ANK2: variants seen among roughly 807,000 people sequenced by gnomAD.
ANK2 encodes ankyrin-2.
ANK2 carries 83 observed loss-of-function variants against 360.5 expected under a neutral mutation model. The ratio of observed to expected loss-of-function variants is 0.23; its 90% CI spans 0.19 to 0.28. The LOEUF is 0.28. ANK2 is among the 10% of genes least tolerant of loss of function. The pLI is 1.00. For synonymous variants in ANK2, 1,740 were observed against 1,759.5 expected (o/e 0.99, Z 0.28); for missense variants, 4,201 against 4,795.7 (o/e 0.88, Z 3.66).
intron 2 of ANK2, among the ~76,000 whole-genome samples, chr4:112,965,770 A>G (rs1315859316): frequency 6.6e-6 from 1 of 152,166 alleles, no homozygotes; most frequent in Admixed American, 6.5e-5. Context: ...TTGAAAATGA[A>G]TTCACTGTAG....
chr4:113,144,763 T>G (rs1160489665), intron 1 of ANK2, among the ~76,000 whole-genome samples: 3 of 147,608 alleles, frequency 2.0e-5, no homozygotes, highest in Admixed American at 1.4e-4. Flanking sequence ...TTTATATGGT[T>G]TTTAAACTAT....
chr4:113,243,918 C>T (rs547449170), intron 9 of ANK2, among the ~76,000 whole-genome samples: 1 of 152,176 alleles, frequency 6.6e-6, no homozygotes, highest in Non-Finnish European at 1.5e-5. Context: ...TTTATTAATG[C>T]TTTTTGGAGT....
At chr4:113,277,649 C>G (rs2060724855) in intron 15 of ANK2, among the ~76,000 whole-genome samples, 188 bp from the exon 16 acceptor site, 1 of 152,164 alleles carries the variant, frequency 6.6e-6, no homozygotes, top group Non-Finnish European at 1.5e-5. Context: ...GTCTATCAAG[C>G]CAAACTTTTG....
At chr4:113,000,655 G>A (rs1001936547) in intron 2 of ANK2, among the ~76,000 whole-genome samples, 1 of 152,182 alleles carries the variant, frequency 6.6e-6, no homozygotes, top group Admixed American at 6.5e-5. Context: ...GTTGAACATG[G>A]TAGATAGAGT....
At chr4:112,823,615 G>A (rs1464397855) in intron 1 of ANK2, among the ~76,000 whole-genome samples, 1 of 151,390 alleles carries the variant, frequency 6.6e-6, no homozygotes, top group African/African-American at 2.4e-5. Context: ...AATAGCTGCT[G>A]TACTAATTGT....
At chr4:113,364,922 T>G in intron 40 of ANK2, 117 bp from the exon 41 acceptor site, 1 of 1,305,760 alleles carries the variant, frequency 7.7e-7, no homozygotes, top group Non-Finnish European at 1.1e-6. Context: ...GACTTTTAAT[T>G]AGGCTTTGAT....
chr4:112,900,318 C>T lies in ANK2; in HGVS notation c.-39-4137C>T, dbSNP rs7658381. On this transcript the variant is annotated intron_variant, in intron 1 of 30. Transcript: ENST00000503271. ...TAGTTTAATATCAAATATCTAATATCCTTATCTCCCTGATTGTCTCCTATC... is the reference window on the plus strand; with the variant it reads ...TAGTTTAATATCAAATATCTAATATTCTTATCTCCCTGATTGTCTCCTATC... Among the ~76,000 whole-genome samples the T allele has an allele frequency of 2.5e-3, 387 of 152,230 alleles. 2 individuals are homozygous for T. The highest frequency in any genetic ancestry group is 9.0e-3 in the African/African-American group (375 of 41,534).
chr4:113,196,251 GA>G (rs892454341), intron 2 of ANK2, 116 bp from the exon 3 acceptor site: 13 of 763,326 alleles, frequency 1.7e-5, no homozygotes, highest in Middle Eastern at 2.3e-4. Flanking sequence ...ATGCAAAAAG[GA>G]AAAAAAAGAA....
At chr4:113,271,720 A>G (rs1287035879) in intron 14 of ANK2, among the ~76,000 whole-genome samples, 1 of 152,240 alleles carries the variant, frequency 6.6e-6, no homozygotes, top group Non-Finnish European at 1.5e-5. Flanking sequence ...AAGAAAAACC[A>G]TATACTCATA....
At chr4:112,809,146 A>C in the ANK2 span, among the ~76,000 whole-genome samples, 1 of 150,328 alleles carries the variant, frequency 6.7e-6, no homozygotes, top group Non-Finnish European at 1.5e-5. Flanking sequence ...GGCGTGAGCC[A>C]CTGCACCCGG....
At chr4:112,853,100 C>T (rs553615755) in intron 1 of ANK2, among the ~76,000 whole-genome samples, 8 of 151,976 alleles carry the variant, frequency 5.3e-5, no homozygotes, top group African/African-American at 1.4e-4. Flanking sequence ...GACGAAGTCT[C>T]GCTCTCTCGC....
At chr4:112,721,060 C>T in the ANK2 span, among the ~76,000 whole-genome samples, 1 of 152,132 alleles carries the variant, frequency 6.6e-6, no homozygotes, top group African/African-American at 2.4e-5. Context: ...CCAGAACCCC[C>T]AAGGTTCAGA....
intron 1 of ANK2, among the ~76,000 whole-genome samples, chr4:112,876,258 T>C (rs1231424128): frequency 6.6e-6 from 1 of 152,182 alleles, no homozygotes; most frequent in East Asian, 1.9e-4. Context: ...ATCTCTTCTT[T>C]AAAATAGGAA....
At chr4:112,915,186 C>T (rs1422326418) in intron 2 of ANK2, among the ~76,000 whole-genome samples, 1 of 152,070 alleles carries the variant, frequency 6.6e-6, no homozygotes, top group Non-Finnish European at 1.5e-5. Flanking sequence ...CTTTATACAG[C>T]TTACATATTT....
the ANK2 span, chr4:112,738,628 TCTGGGCTGC>T: frequency 1.8e-6 from 1 of 546,502 alleles, no homozygotes. Flanking sequence ...TAGCTCTTCC[TCTGGGCTGC>T]CTACCGAGGT....
the ANK2 span, among the ~76,000 whole-genome samples, chr4:112,732,189 T>C: frequency 6.6e-6 from 1 of 151,890 alleles, no homozygotes; most frequent in African/African-American, 2.4e-5. Context: ...ACAATGACTA[T>C]AAAATGGATA....
intron 1 of ANK2, among the ~76,000 whole-genome samples, chr4:113,062,422 A>G (rs1443838017): frequency 3.9e-5 from 6 of 152,172 alleles, no homozygotes; most frequent in Non-Finnish European, 7.4e-5. Flanking sequence ...GTGACCAATG[A>G]ACAATGATTT....
chr4:113,074,217 A>T (rs2078973811), intron 1 of ANK2, among the ~76,000 whole-genome samples: 1 of 152,114 alleles, frequency 6.6e-6, no homozygotes, highest in Admixed American at 6.6e-5. Flanking sequence ...GTTCAACTTG[A>T]TGTGTATTTA....
At chr4:113,196,296 G>A (rs2098746716) in intron 2 of ANK2, 72 bp from the exon 3 acceptor site, 1 of 1,162,746 alleles carries the variant, frequency 8.6e-7, no homozygotes, top group Non-Finnish European at 1.3e-6. Flanking sequence ...TGGGTTATAT[G>A]CTTGAGTAGG....
Sources: gnomAD v4.1 joint callset for allele counts (sites outside exome capture counted in the v4.1 genomes callset) on GRCh38, gnomAD v4.1.1 for gene constraint, MANE v1.5 for transcripts, NCBI Gene and HGNC (gene_info 2026-07-23, HGNC 2026-07-21) for gene names.